Variants in AGMO observed in about 807,000 individuals in gnomAD.
The protein encoded by AGMO is alkylglycerol monooxygenase.
In AGMO, 75 loss-of-function variants were observed where a neutral mutation model predicts 60.2. That is an observed-to-expected ratio of 1.25 (90% CI 1.03 to 1.51). The LOEUF is 1.51. Among genes scored for constraint, AGMO ranks in the 40% most tolerant of loss-of-function variants. AGMO has a pLI of 0.00. For missense variants in AGMO, 763 were observed against 525.5 expected (o/e 1.45, Z -4.42); for synonymous variants, 261 against 177.1 (o/e 1.47, Z -3.76).
chr7:15,394,396 T>C (rs559463157), intron 5 of AGMO, among the ~76,000 whole-genome samples: 1 of 152,266 alleles, frequency 6.6e-6, no homozygotes, highest in East Asian at 1.9e-4. Flanking sequence ...GTGAGTATGG[T>C]GTCGTGGTTA....
the AGMO span, among the ~76,000 whole-genome samples, chr7:15,167,478 C>T: frequency 6.6e-6 from 1 of 152,120 alleles, no homozygotes; most frequent in African/African-American, 2.4e-5. Context: ...AACAAAAAAC[C>T]AGGTGACTAC....
At chr7:15,417,548 G>A (rs906238711) in intron 5 of AGMO, among the ~76,000 whole-genome samples, 7 of 152,186 alleles carry the variant, frequency 4.6e-5, no homozygotes, top group African/African-American at 1.7e-4. Context: ...GACCTCTAGA[G>A]TCAGAATTGG....
At chr7:15,246,465 T>C (rs1782745445) in intron 12 of AGMO, among the ~76,000 whole-genome samples, 1 of 152,208 alleles carries the variant, frequency 6.6e-6, no homozygotes, top group Admixed American at 6.5e-5. Flanking sequence ...AGACAATGAC[T>C]TGAAGTTTAT....
At chr7:15,199,634 T>A (rs1204267460), downstream of AGMO, among the ~76,000 whole-genome samples, 1 of 152,134 alleles carries the variant, frequency 6.6e-6, no homozygotes, top group Non-Finnish European at 1.5e-5. Context: ...TGAGAATGTT[T>A]ATGCCTTAAA....
chr7:15,179,996 G>A, the AGMO span, among the ~76,000 whole-genome samples: 1 of 152,076 alleles, frequency 6.6e-6, no homozygotes, highest in Non-Finnish European at 1.5e-5. Flanking sequence ...CATTCTCTGG[G>A]GGCATATCCC....
intron 12 of AGMO, among the ~76,000 whole-genome samples, chr7:15,361,899 G>C (rs894199560): frequency 2.0e-5 from 3 of 152,120 alleles, no homozygotes; most frequent in South Asian, 4.2e-4. Context: ...CTTCTAGATA[G>C]AGAAGAGTCA....
At chr7:15,485,248 C>G (rs1401990754) in intron 3 of AGMO, among the ~76,000 whole-genome samples, 2 of 149,034 alleles carry the variant, frequency 1.3e-5, no homozygotes, top group Non-Finnish European at 3.0e-5. Flanking sequence ...ACCTGGGAAG[C>G]AGAGGTTGCA....
chr7:15,330,657 A>G (rs1423268754), intron 12 of AGMO, among the ~76,000 whole-genome samples: 1 of 152,144 alleles, frequency 6.6e-6, no homozygotes, highest in African/African-American at 2.4e-5. Context: ...TTCTGGGAGA[A>G]ATACATTCTT....
the AGMO span, among the ~76,000 whole-genome samples, chr7:15,163,484 A>G: frequency 6.6e-6 from 1 of 152,078 alleles, no homozygotes; most frequent in East Asian, 1.9e-4. Flanking sequence ...TATTATTTTG[A>G]GGTGTATTCT....
At chr7:15,394,321 A>C (rs1458177387) in intron 5 of AGMO, 142 bp from the exon 6 acceptor site, 2 of 659,708 alleles carry the variant, frequency 3.0e-6, no homozygotes. Context: ...AAAAAGTTCC[A>C]CTGAAATCTG....
Position 15,456,509 on chromosome 7 carries a change from C to T in AGMO, c.410-25401G>A, listed in dbSNP as rs532815705. On this transcript the variant is annotated intron_variant, in intron 3 of 12. Transcript: ENST00000342526. ...ATTAAGTTTTCCTATGTTCAGGTTA[C>T]TTCTCTTGCCCTCAGCTCTACCTGC... 3.8e-4 allele frequency among the ~76,000 whole-genome samples: 58 copies of T among 152,232 alleles called. No homozygotes were observed. In the Middle Eastern group the frequency reaches 0.01, roughly 27 times the overall value.
At chr7:15,466,179 T>C (rs953701325) in intron 3 of AGMO, among the ~76,000 whole-genome samples, 9 of 152,180 alleles carry the variant, frequency 5.9e-5, no homozygotes, top group African/African-American at 2.2e-4. Flanking sequence ...AGTTCATATT[T>C]ACTGGGTGCA....
intron 10 of AGMO, among the ~76,000 whole-genome samples, chr7:15,382,986 T>C (rs918100868): frequency 1.3e-5 from 2 of 152,136 alleles, no homozygotes; most frequent in African/African-American, 4.8e-5. Context: ...TTTTCTATAA[T>C]CTATCACCTC....
chr7:15,346,089 C>T (rs1039734787), intron 12 of AGMO, among the ~76,000 whole-genome samples: 5 of 152,062 alleles, frequency 3.3e-5, no homozygotes, highest in African/African-American at 4.8e-5. Flanking sequence ...TGCTGATTCC[C>T]GCTTGGTTGG....
intron 4 of AGMO, 72 bp downstream of exon 4, chr7:15,430,933 T>TTTTTTTTTTA: frequency 2.5e-6 from 2 of 788,668 alleles, no homozygotes; most frequent in South Asian, 5.4e-5. Context: ...TTTTTTTTTT[T>TTTTTTTTTTA]GAGGAAATAG....
chr7:15,318,170 T>C (rs1269729689), intron 12 of AGMO, among the ~76,000 whole-genome samples: 1 of 151,884 alleles, frequency 6.6e-6, no homozygotes, highest in East Asian at 1.9e-4. Context: ...AATCCCTGGC[T>C]AACTTTTGTA....
At chr7:15,262,461 G>A (rs1783301084) in intron 12 of AGMO, among the ~76,000 whole-genome samples, 1 of 151,960 alleles carries the variant, frequency 6.6e-6, no homozygotes, top group African/African-American at 2.4e-5. Context: ...ACAAGACACT[G>A]CTGAAATAAA....
the AGMO span, among the ~76,000 whole-genome samples, chr7:15,165,726 T>A: frequency 1.3e-5 from 2 of 152,152 alleles, no homozygotes; most frequent in African/African-American, 4.8e-5. Flanking sequence ...TCTCTTAAAA[T>A]GGGATATAAC....
At chr7:15,454,680 A>C (rs995279793) in intron 3 of AGMO, among the ~76,000 whole-genome samples, 7 of 152,066 alleles carry the variant, frequency 4.6e-5, no homozygotes, top group African/African-American at 1.4e-4. Flanking sequence ...CAGTTCCATA[A>C]TGTTCTCTTT....
Sources: allele counts gnomAD v4.1 joint callset (sites outside exome capture counted in the v4.1 genomes callset), GRCh38; gene constraint gnomAD v4.1.1; transcripts MANE v1.5; gene names NCBI Gene and HGNC (gene_info 2026-07-23, HGNC 2026-07-21).